Variants in FIRRM observed in about 807,000 individuals in gnomAD.
FIRRM encodes the protein FIGNL1 interacting regulator of recombination and mitosis.
At chr1:169,847,032 C>T in the FIRRM span, among the ~76,000 whole-genome samples, 9,926 of 151,878 alleles carry the variant, frequency 0.065, 432 homozygotes, top group Non-Finnish European at 0.099. Context: ...ATAGGGAAGC[C>T]CAAGGAGAGG....
At chr1:169,838,474 AT>A in the FIRRM span, among the ~76,000 whole-genome samples, 2 of 151,804 alleles carry the variant, frequency 1.3e-5, no homozygotes, top group African/African-American at 4.8e-5. Flanking sequence ...TTTATTTTAA[AT>A]TTTTTCAACT....
chr1:169,802,553 T>A, the FIRRM span: 15 of 1,073,300 alleles, frequency 1.4e-5, no homozygotes, highest in Admixed American at 2.2e-5. Flanking sequence ...GTTTTCTCTG[T>A]AAAGTTTTGT....
the FIRRM span, chr1:169,803,418 T>G: frequency 4.6e-6 from 5 of 1,080,774 alleles, no homozygotes; most frequent in Non-Finnish European, 6.2e-6. Flanking sequence ...ATTATTGAAA[T>G]AAACTTTTCC....
the FIRRM span, chr1:169,836,825 C>G: frequency 1.3e-6 from 1 of 785,334 alleles, no homozygotes; most frequent in South Asian, 2.0e-5. Context: ...CATTATAAAG[C>G]TTTCTCGAAA....
the FIRRM span, chr1:169,830,720 A>C: frequency 6.2e-7 from 1 of 1,613,824 alleles, no homozygotes; most frequent in Admixed American, 1.7e-5. Context: ...AACTGTGTGC[A>C]CACCATGTCA....
the FIRRM span, among the ~76,000 whole-genome samples, chr1:169,821,266 G>A: frequency 6.6e-6 from 1 of 151,944 alleles, no homozygotes; most frequent in East Asian, 1.9e-4. Context: ...TGTGTAATGT[G>A]TTTTTATGTC....
chr1:169,820,391 C>T, the FIRRM span, among the ~76,000 whole-genome samples: 1 of 152,154 alleles, frequency 6.6e-6, no homozygotes, highest in Admixed American at 6.6e-5. Context: ...CTCCCCACGT[C>T]CCATGATTCT....
At chr1:169,796,735 A>G in the FIRRM span, among the ~76,000 whole-genome samples, 51 of 152,332 alleles carry the variant, frequency 3.3e-4, no homozygotes, top group Non-Finnish European at 6.5e-4. Flanking sequence ...TTTACCTTCA[A>G]GGTTCCAGGT....
chr1:169,786,394 G>A, the FIRRM span, among the ~76,000 whole-genome samples: 1 of 152,092 alleles, frequency 6.6e-6, no homozygotes, highest in African/African-American at 2.4e-5. Flanking sequence ...GGGAAGAAAA[G>A]CAAATCATTA....
chr1:169,792,769 G>GAT, the FIRRM span: 1 of 1,613,368 alleles, frequency 6.2e-7, no homozygotes, highest in South Asian at 1.1e-5. Context: ...ACAGTCTAAG[G>GAT]AAAGTCTGGT....
the FIRRM span, among the ~76,000 whole-genome samples, chr1:169,833,871 T>TTTTA: frequency 7.3e-4 from 73 of 100,474 alleles, 1 homozygote; most frequent in Admixed American, 1.4e-3. Context: ...TTTTTTTTTT[T>TTTTA]AAATAGAGAC....
the FIRRM span, chr1:169,802,649 A>G: frequency 7.4e-6 from 12 of 1,612,214 alleles, no homozygotes; most frequent in Middle Eastern, 1.7e-4. Flanking sequence ...GACATGATGT[A>G]TGAATTAACC....
chr1:169,786,651 G>T, the FIRRM span, among the ~76,000 whole-genome samples: 1 of 152,150 alleles, frequency 6.6e-6, no homozygotes, highest in Non-Finnish European at 1.5e-5. Context: ...AAATTCACTA[G>T]AAGTTATTTA....
the FIRRM span, among the ~76,000 whole-genome samples, chr1:169,838,696 A>C: frequency 6.6e-6 from 1 of 151,690 alleles, no homozygotes; most frequent in African/African-American, 2.4e-5. Flanking sequence ...CACCATGTTG[A>C]CCAGGCTGGT....
At chr1:169,830,127 T>G in the FIRRM span, 1 of 684,252 alleles carries the variant, frequency 1.5e-6, no homozygotes, top group Non-Finnish European at 2.4e-6. Flanking sequence ...TACTAGAAAG[T>G]AGAACTCCCC....
the FIRRM span, chr1:169,852,552 T>G: frequency 1.9e-6 from 1 of 523,812 alleles, no homozygotes; most frequent in Non-Finnish European, 3.4e-6. Context: ...GACAGGATAC[T>G]TGTTGTATAC....
the FIRRM span, chr1:169,849,474 A>G: frequency 1.3e-6 from 2 of 1,533,978 alleles, no homozygotes; most frequent in Non-Finnish European, 1.8e-6. Flanking sequence ...TCTTTTCTCT[A>G]TTATAATAAG....
At chr1:169,830,433 G>A in the FIRRM span, 2 of 1,095,906 alleles carry the variant, frequency 1.8e-6, no homozygotes, top group Non-Finnish European at 2.7e-6. Flanking sequence ...TAGAAAAACT[G>A]TTTCAATAAT....
At chr1:169,806,426 A>G in the FIRRM span, among the ~76,000 whole-genome samples, 1 of 152,254 alleles carries the variant, frequency 6.6e-6, no homozygotes, top group Non-Finnish European at 1.5e-5. Flanking sequence ...AGATAAATTG[A>G]TAACTATAAT....
Sources: gnomAD v4.1 joint callset for allele counts (sites outside exome capture counted in the v4.1 genomes callset) on GRCh38, gnomAD v4.1.1 for gene constraint, MANE v1.5 for transcripts, NCBI Gene and HGNC (gene_info 2026-07-23, HGNC 2026-07-21) for gene names.